FAM228B: variants seen among roughly 807,000 people sequenced by gnomAD.
FAM228B encodes family with sequence similarity 228 member B, also known as protein FAM228B.
A neutral mutation model predicts 42.6 loss-of-function variants in FAM228B; 38 were observed. The observed-to-expected ratio is 0.89, with a 90% CI of 0.69 to 1.17. The LOEUF (loss-of-function observed/expected upper bound fraction) is 1.17, where lower values mean the gene tolerates loss of function less well. Among genes scored for constraint, FAM228B ranks in the 50% most tolerant of loss-of-function variants. FAM228B has a pLI of 0.00. For missense variants in FAM228B, 344 were observed against 367.3 expected, an observed-to-expected ratio of 0.94 and a Z score of 0.52; for synonymous variants, 109 against 122.3, an observed-to-expected ratio of 0.89 and a Z score of 0.72.
chr2:24,141,670 G>T (rs1013187174), intron 5 of FAM228B, among the ~76,000 whole-genome samples: 2 of 152,186 alleles, frequency 1.3e-5, no homozygotes, highest in Admixed American at 6.5e-5. Context: ...GAGCCACCGC[G>T]CCTGGCCTAG....
chr2:24,146,957 A>G lies in FAM228B; in HGVS notation c.557A>G (p.Lys186Arg), dbSNP rs1277262970. 3 of 1,551,454 alleles carry G rather than the reference A, an allele frequency of 1.9e-6. No homozygotes were observed. The highest frequency in any genetic ancestry group is 1.2e-5 in the South Asian group (1 of 84,048). The change falls in exon 7 of 11, where the codon AAA (lysine) becomes AGA (arginine). Residue 186 changes from lysine (K) to arginine (R), a missense_variant. Coordinates refer to ENST00000615575, the MANE Select transcript of FAM228B (RefSeq NM_001145710.2). ...TGKIYSIKEFKEVEKVQLHSR... is the reference protein window; with the variant it reads ...TGKIYSIKEFREVEKVQLHSR... ...AAAATATATTCAATAAAGGAATTCA[A>G]AGAAGTTGAGAAGGTTCAGCTGCAT...
intron 8 of FAM228B, among the ~76,000 whole-genome samples, chr2:24,162,024 G>A (rs1011505730): frequency 1.3e-5 from 2 of 152,186 alleles, no homozygotes; most frequent in Non-Finnish European, 2.9e-5. Flanking sequence ...GTTTGAACCC[G>A]GGAGGCAGAA....
intron 3 of FAM228B, among the ~76,000 whole-genome samples, chr2:24,114,495 G>C (rs1665854526): frequency 6.6e-6 from 1 of 152,112 alleles, no homozygotes; most frequent in Non-Finnish European, 1.5e-5. Context: ...TCCTATCTTG[G>C]CCTGTGTAGA....
At chr2:24,152,787 C>T (rs1667054233) in intron 7 of FAM228B, among the ~76,000 whole-genome samples, 1 of 152,170 alleles carries the variant, frequency 6.6e-6, no homozygotes, top group African/African-American at 2.4e-5. Flanking sequence ...GTGTGAGTTC[C>T]CCAGGTCCCA....
intron 1 of FAM228B, 150 bp downstream of exon 1, chr2:24,123,683 G>C (rs1012591505): frequency 7.3e-5 from 11 of 151,696 alleles, no homozygotes; most frequent in Admixed American, 7.2e-4. Flanking sequence ...GGTGCCTGTC[G>C]CGGCCGGCGA....
rs1475740558 is a variant in FAM228B at position 24,139,414 on chromosome 2, C to T, written c.405C>T (p.Pro135=). 6.5e-7 allele frequency: 1 copy of T among 1,548,312 alleles called. No individual in the cohort carries two copies. The change falls in exon 5 of 11, where the codon CCC becomes CCT. Residue 135 remains proline, a synonymous_variant. Transcript: ENST00000615575. ...IEHYDPKEYD[P]FYMSKKDPNF... ...ATTATGATCCAAAAGAGTATGATCCCTTTTATATGAGCAAGAAGGACCCCA... is the reference window on the plus strand; with the variant it reads ...ATTATGATCCAAAAGAGTATGATCCTTTTTATATGAGCAAGAAGGACCCCA...
chr2:24,150,518 AGGTTC>A (rs1227724406), intron 7 of FAM228B, among the ~76,000 whole-genome samples: 31 of 151,992 alleles, frequency 2.0e-4, no homozygotes, highest in African/African-American at 7.0e-4. Context: ...TCTGCCTCCC[AGGTTC>A]CAGTGATTCT....
chr2:24,106,038 A>G (rs1051280591), intron 3 of FAM228B, among the ~76,000 whole-genome samples: 2 of 152,224 alleles, frequency 1.3e-5, no homozygotes, highest in Non-Finnish European at 2.9e-5. Flanking sequence ...CTTGGAAAAC[A>G]TATTTTAGGA....
intron 2 of FAM228B, among the ~76,000 whole-genome samples, chr2:24,091,677 A>G (rs1461024328): frequency 6.6e-6 from 1 of 152,206 alleles, no homozygotes; most frequent in African/African-American, 2.4e-5. Flanking sequence ...TAAGGAATGT[A>G]TTTAACAAGG....
At chr2:24,120,290 A>C (rs2151007023), upstream of FAM228B, among the ~76,000 whole-genome samples, 1 of 151,968 alleles carries the variant, frequency 6.6e-6, no homozygotes, top group South Asian at 2.1e-4. Flanking sequence ...CAACAACAAA[A>C]CAAAACAAAA....
rs534861939 is a variant in FAM228B at position 24,154,122 on chromosome 2, C to A, written c.686+7036C>A. Among the ~76,000 whole-genome samples, 4 of 36,294 alleles carry A rather than the reference C, an allele frequency of 1.1e-4. No homozygotes were observed. In the East Asian group the frequency reaches 4.6e-3, roughly 41 times the overall value. The allele number at this position is 36,294 out of a possible 152,430, so 23.8% of individuals were successfully genotyped here. On this transcript the variant is annotated intron_variant, in intron 7 of 10. Coordinates refer to ENST00000615575, the MANE Select transcript of FAM228B (RefSeq NM_001145710.2). Reference sequence around the variant, plus strand: ...GTGATTCAAGACTGTCCCTCCTGCTCTCCTCATGCCTCTTTTAGTGATATG... The same window carrying A: ...GTGATTCAAGACTGTCCCTCCTGCTATCCTCATGCCTCTTTTAGTGATATG...
chr2:24,107,119 G>A (rs1198692156), intron 3 of FAM228B, among the ~76,000 whole-genome samples: 1 of 151,938 alleles, frequency 6.6e-6, no homozygotes, highest in Middle Eastern at 3.2e-3. Flanking sequence ...AAAAAAGCAG[G>A]GGTTGCAATC....
intron 2 of FAM228B, among the ~76,000 whole-genome samples, 187 bp from the exon 3 acceptor site, chr2:24,134,932 G>T (rs371655424): frequency 6.6e-6 from 1 of 152,156 alleles, no homozygotes; most frequent in African/African-American, 2.4e-5. Context: ...CAGCCTAGGC[G>T]ACAGAACAAG....
intron 3 of FAM228B, among the ~76,000 whole-genome samples, chr2:24,110,692 G>A (rs1665776183): frequency 1.3e-5 from 2 of 152,160 alleles, no homozygotes; most frequent in Admixed American, 1.3e-4. Context: ...TAAGAAAACT[G>A]CAATCGTAAG....
At chr2:24,081,785 C>G (rs1280401352) in intron 2 of FAM228B, among the ~76,000 whole-genome samples, 3 of 151,288 alleles carry the variant, frequency 2.0e-5, no homozygotes, top group Non-Finnish European at 4.4e-5. Context: ...GCCCCACCCC[C>G]CCTGCGTTCA....
At position 24,164,231 on chromosome 2, in the gene FAM228B, G is replaced by T. The variant is rs747198065; in HGVS notation, c.828G>T (p.Pro276=). The T allele has an allele frequency of 3.2e-6, 5 of 1,550,884 alleles. No individual in the cohort carries two copies. The highest frequency in any genetic ancestry group is 3.5e-6 in the Non-Finnish European group (4 of 1,146,484). The change falls in exon 9 of 11, where the codon CCG becomes CCT. Residue 276 remains proline (P), a synonymous_variant. Coordinates refer to ENST00000615575, the MANE Select transcript of FAM228B (RefSeq NM_001145710.2). ...GGTCATCCTTTCTAGAAAGAGAACC[G>T]CTGTGCTATCAGGAGGGAAATAATC... ...NKGSSFLERE[P]LCYQEGNNPS...
intron 3 of FAM228B, among the ~76,000 whole-genome samples, chr2:24,110,212 T>C (rs1391436116): frequency 3.3e-5 from 5 of 152,028 alleles, no homozygotes; most frequent in Non-Finnish European, 7.4e-5. Flanking sequence ...TTCTCACTTG[T>C]AAGTGGGAGC....
At chr2:24,108,665 G>A (rs1473032526) in intron 3 of FAM228B, among the ~76,000 whole-genome samples, 1 of 152,102 alleles carries the variant, frequency 6.6e-6, no homozygotes, top group African/African-American at 2.4e-5. Flanking sequence ...ACTTTGGGAG[G>A]CCTAGACGGG....
intron 1 of FAM228B, chr2:24,079,769 G>T: frequency 2.4e-6 from 2 of 833,154 alleles, no homozygotes; most frequent in Non-Finnish European, 3.8e-6. Flanking sequence ...TAGAAACACT[G>T]CTTGAAGAAC....
Sources: allele counts gnomAD v4.1 joint callset (sites outside exome capture counted in the v4.1 genomes callset), GRCh38; gene constraint gnomAD v4.1.1; transcripts MANE v1.5; gene names NCBI Gene and HGNC (gene_info 2026-07-23, HGNC 2026-07-21).